Variants in TRPM7 observed in about 807,000 individuals in gnomAD.
TRPM7 encodes transient receptor potential cation channel subfamily M member 7.
In TRPM7, 134 loss-of-function variants were observed where a neutral mutation model predicts 229.7. The ratio of observed to expected loss-of-function variants is 0.58; its 90% CI spans 0.51 to 0.67. The LOEUF (loss-of-function observed/expected upper bound fraction) is 0.67. TRPM7 is among the 30% of genes least tolerant of loss of function. TRPM7 has a pLI of 0.00. For synonymous variants in TRPM7, 699 were observed against 715.2 expected (o/e 0.98, Z 0.36); for missense variants, 1,901 against 2,210.0 (o/e 0.86, Z 2.80).
At chr15:50,636,046 T>G (rs1406995645) in intron 7 of TRPM7, among the ~76,000 whole-genome samples, 1 of 151,398 alleles carries the variant, frequency 6.6e-6, no homozygotes, top group Non-Finnish European at 1.5e-5. Flanking sequence ...CTGGAACTGA[T>G]CAATAAAATT....
At chr15:50,621,061 A>G (rs530861135) in intron 12 of TRPM7, among the ~76,000 whole-genome samples, 69 of 146,228 alleles carry the variant, frequency 4.7e-4, no homozygotes, top group Middle Eastern at 3.5e-3. Flanking sequence ...CGGGAGGCTG[A>G]GGCAGGAGAA....
intron 13 of TRPM7, among the ~76,000 whole-genome samples, chr15:50,619,078 A>C (rs940396525): frequency 6.6e-6 from 1 of 152,122 alleles, no homozygotes; most frequent in African/African-American, 2.4e-5. Context: ...CATCCTTTAC[A>C]TTGGGACAAT....
At chr15:50,680,320 C>T (rs1003858988) in intron 1 of TRPM7, among the ~76,000 whole-genome samples, 2 of 152,124 alleles carry the variant, frequency 1.3e-5, no homozygotes, top group African/African-American at 4.8e-5. Context: ...GCAGGTAGAT[C>T]ACTTGAGACC....
At chr15:50,568,873 C>T (rs1397684472) in intron 38 of TRPM7, among the ~76,000 whole-genome samples, 2 of 151,728 alleles carry the variant, frequency 1.3e-5, no homozygotes, top group African/African-American at 4.8e-5. Flanking sequence ...GTCCCAGCTA[C>T]TTGGGAGGCT....
At chr15:50,565,272 G>A (rs573771298) in intron 38 of TRPM7, among the ~76,000 whole-genome samples, 2 of 152,060 alleles carry the variant, frequency 1.3e-5, no homozygotes, top group South Asian at 4.2e-4. Context: ...GTACCGTGCT[G>A]GCTTAAAAAA....
chr15:50,673,370 C>A (rs1006090313), intron 1 of TRPM7, among the ~76,000 whole-genome samples: 2 of 152,002 alleles, frequency 1.3e-5, no homozygotes, highest in African/African-American at 4.8e-5. Context: ...CACCCATTGC[C>A]CGACCGGTAC....
intron 21 of TRPM7, among the ~76,000 whole-genome samples, chr15:50,600,749 G>A (rs890991942): frequency 1.3e-5 from 2 of 152,168 alleles, no homozygotes; most frequent in Non-Finnish European, 2.9e-5. Context: ...TTTTATAGGG[G>A]CTTAAGATTA....
Position 50,612,594 on chromosome 15 carries a change from C to T in TRPM7, c.2006G>A (p.Ser669Asn), listed in dbSNP as rs2060091321. 1 of 1,614,028 alleles carries T rather than the reference C, an allele frequency of 6.2e-7. No individual in the cohort carries two copies. The highest frequency in any genetic ancestry group is 8.5e-7 in the Non-Finnish European group (1 of 1,179,946). ...TTCTGAAGTATCATCTACCAGGTCA[C>T]TCTGCTTTGCTTCATATGCCATTGA... ...YRSMAYEAKQ[S>N]DLVDDTSEEL... Residue 669 changes from serine (S) to asparagine (N), a missense_variant, in exon 16 of 39, where the codon AGT becomes AAT. Ser to Asn is a conservative substitution (Grantham distance 46, BLOSUM62 1). This residue lies in a region of TRPM7 where 794 missense variants were observed against 881.9 expected (regional missense o/e 0.90). Transcript: ENST00000646667.
intron 23 of TRPM7, among the ~76,000 whole-genome samples, chr15:50,595,743 A>T (rs1420942590): frequency 6.6e-6 from 1 of 152,102 alleles, no homozygotes; most frequent in African/African-American, 2.4e-5. Context: ...GCACACCTGT[A>T]ATCCCAGCTA....
intron 3 of TRPM7, among the ~76,000 whole-genome samples, chr15:50,649,667 G>C (rs2061363160): frequency 6.6e-6 from 1 of 152,222 alleles, no homozygotes; most frequent in South Asian, 2.1e-4. Flanking sequence ...GTCTGAGGCT[G>C]GGGTACAAAG....
chr15:50,580,430 G>C (rs1276045457), intron 30 of TRPM7, among the ~76,000 whole-genome samples: 1 of 152,062 alleles, frequency 6.6e-6, no homozygotes, highest in Admixed American at 6.6e-5. Context: ...CCTGTATGCA[G>C]GCTTTCTAAT....
chr15:50,628,071 C>T, intron 11 of TRPM7, 78 bp downstream of exon 11: 2 of 993,576 alleles, frequency 2.0e-6, no homozygotes, highest in Non-Finnish European at 1.5e-6. Context: ...AATGTCAAGT[C>T]AGGTCACAGT....
chr15:50,658,589 C>G (rs1024198881), intron 2 of TRPM7, among the ~76,000 whole-genome samples: 1 of 149,686 alleles, frequency 6.7e-6, no homozygotes, highest in African/African-American at 2.5e-5. Context: ...AAAAAAAAGA[C>G]ATTATCTTGG....
At chr15:50,658,707 AC>A (rs2061650339) in intron 2 of TRPM7, among the ~76,000 whole-genome samples, 1 of 152,252 alleles carries the variant, frequency 6.6e-6, no homozygotes, top group African/African-American at 2.4e-5. Flanking sequence ...GTTGACTCTC[AC>A]ACACTAATTC....
At chr15:50,569,791 A>G (rs1327993745) in intron 38 of TRPM7, 96 bp downstream of exon 38, 3 of 655,888 alleles carry the variant, frequency 4.6e-6, no homozygotes, top group Non-Finnish European at 7.5e-6. Flanking sequence ...ATTAGAGACC[A>G]TTACATTAAA....
At chr15:50,652,055 G>A (rs1435912496) in intron 3 of TRPM7, among the ~76,000 whole-genome samples, 3 of 151,680 alleles carry the variant, frequency 2.0e-5, no homozygotes, top group Non-Finnish European at 1.5e-5. Context: ...AGAATGGGCC[G>A]GGTGCGGTGG....
chr15:50,580,899 G>A lies in TRPM7; in HGVS notation c.4567C>T (p.Gln1523Ter). ...SKAALIPDWL[Q>*]DRPSNREMPS... Reference sequence around the variant, plus strand: ...ATTTCTCTGTTTGATGGTCTATCTTGTAACCAATCCTTCAGTAAAAAAAAA... The same window carrying A: ...ATTTCTCTGTTTGATGGTCTATCTTATAACCAATCCTTCAGTAAAAAAAAA... The change falls in exon 30 of 39, where the codon CAA becomes TAA. Residue 1523 changes from glutamine to a stop codon, truncating the protein, a stop_gained. Transcript: ENST00000646667. LOFTEE classifies it high-confidence loss of function. 1 of 1,582,312 alleles carries A rather than the reference G, an allele frequency of 6.3e-7. No homozygotes were observed. The highest frequency in any genetic ancestry group is 1.2e-5 in the South Asian group (1 of 84,612).
chr15:50,660,977 C>T (rs1211325611), intron 2 of TRPM7, among the ~76,000 whole-genome samples: 1 of 150,304 alleles, frequency 6.7e-6, no homozygotes, highest in Non-Finnish European at 1.5e-5. Flanking sequence ...AACTACCATT[C>T]CTTTTTTTTT....
chr15:50,619,626 T>A (rs560863118), intron 13 of TRPM7, 119 bp downstream of exon 13: 7 of 864,680 alleles, frequency 8.1e-6, no homozygotes, highest in Non-Finnish European at 1.2e-5. Context: ...TCTTGTTCTG[T>A]AAACTGTAAT....
Sources: gnomAD v4.1 joint callset for allele counts (sites outside exome capture counted in the v4.1 genomes callset) on GRCh38, gnomAD v4.1.1 for gene constraint, gnomAD v4.1.1 regional missense constraint, MANE v1.5 for transcripts, NCBI Gene and HGNC (gene_info 2026-07-23, HGNC 2026-07-21) for gene names.